RCAN2: variants seen among roughly 807,000 people sequenced by gnomAD.
RCAN2 encodes the protein regulator of calcineurin 2.
A neutral mutation model predicts 23.6 loss-of-function variants in RCAN2; 9 were observed. That is an observed-to-expected ratio of 0.38 (90% CI 0.23 to 0.67). The LOEUF is 0.67. RCAN2 is among the 30% of genes least tolerant of loss of function. The pLI is 0.51. For missense variants in RCAN2, 273 were observed against 302.3 expected, an observed-to-expected ratio of 0.90 and a Z score of 0.72; for synonymous variants, 109 against 115.7, an observed-to-expected ratio of 0.94 and a Z score of 0.37.
At chr6:46,253,861 C>T (rs1294579514) in intron 2 of RCAN2, among the ~76,000 whole-genome samples, 4 of 152,114 alleles carry the variant, frequency 2.6e-5, no homozygotes, top group Admixed American at 2.0e-4. Context: ...TAAAAATTGC[C>T]TACCGAATTC....
At chr6:46,270,798 CA>C (rs1490026869) in intron 2 of RCAN2, among the ~76,000 whole-genome samples, 1 of 152,154 alleles carries the variant, frequency 6.6e-6, no homozygotes, top group African/African-American at 2.4e-5. Context: ...TGGCAAGGAA[CA>C]GGGGGTGACC....
At chr6:46,362,622 G>C (rs1489159577) in intron 2 of RCAN2, among the ~76,000 whole-genome samples, 3 of 152,152 alleles carry the variant, frequency 2.0e-5, no homozygotes, top group Admixed American at 6.5e-5. Flanking sequence ...CCATTTTATA[G>C]TTTTTCCTTC....
intron 2 of RCAN2, among the ~76,000 whole-genome samples, chr6:46,348,536 A>G (rs1452242330): frequency 6.6e-6 from 1 of 151,986 alleles, no homozygotes; most frequent in Non-Finnish European, 1.5e-5. Context: ...CTTCCATTAG[A>G]CCTTGGTGCT....
At chr6:46,317,431 A>G (rs1368947452) in intron 2 of RCAN2, among the ~76,000 whole-genome samples, 1 of 152,008 alleles carries the variant, frequency 6.6e-6, no homozygotes, top group Admixed American at 6.6e-5. Context: ...CCAGCTTTAT[A>G]CCCCAATAAC....
intron 1 of RCAN2, among the ~76,000 whole-genome samples, chr6:46,488,597 G>A (rs1769057775): frequency 6.6e-6 from 1 of 152,178 alleles, no homozygotes; most frequent in Admixed American, 6.5e-5. Flanking sequence ...TAGAAGGTTA[G>A]CACCAGAAAT....
intron 2 of RCAN2, among the ~76,000 whole-genome samples, chr6:46,409,035 G>A (rs529623857): frequency 3.1e-4 from 47 of 152,234 alleles, no homozygotes; most frequent in African/African-American, 1.1e-3. Context: ...TATCTAAGAT[G>A]TGTTTTTAAA....
chr6:46,251,879 G>T (rs1766738219), intron 2 of RCAN2, among the ~76,000 whole-genome samples: 1 of 152,076 alleles, frequency 6.6e-6, no homozygotes, highest in Non-Finnish European at 1.5e-5. Context: ...CTTGTTTTGG[G>T]CTTAGGCTGA....
chr6:46,382,924 A>G (rs1035299385), intron 2 of RCAN2, among the ~76,000 whole-genome samples: 4 of 152,136 alleles, frequency 2.6e-5, no homozygotes, highest in Non-Finnish European at 5.9e-5. Context: ...GAAATGGAAG[A>G]CTCATTGCTC....
intron 2 of RCAN2, among the ~76,000 whole-genome samples, chr6:46,448,564 A>G (rs1448635699): frequency 1.3e-5 from 2 of 151,920 alleles, no homozygotes; most frequent in Non-Finnish European, 2.9e-5. Context: ...ATGAACACAG[A>G]TACAAAAATC....
At chr6:46,264,738 G>C (rs1297182728) in intron 2 of RCAN2, among the ~76,000 whole-genome samples, 1 of 152,146 alleles carries the variant, frequency 6.6e-6, no homozygotes, top group Non-Finnish European at 1.5e-5. Context: ...CGACTCTTCG[G>C]CTATGGCTAA....
At chr6:46,293,264 T>C (rs1462733285) in intron 2 of RCAN2, among the ~76,000 whole-genome samples, 1 of 152,212 alleles carries the variant, frequency 6.6e-6, no homozygotes, top group Non-Finnish European at 1.5e-5. Flanking sequence ...CATCTTACTG[T>C]GTTTTCCTTG....
intron 2 of RCAN2, among the ~76,000 whole-genome samples, chr6:46,422,717 G>A (rs921702331): frequency 6.6e-6 from 1 of 152,080 alleles, no homozygotes; most frequent in African/African-American, 2.4e-5. Context: ...AAGGCTATGG[G>A]AACAATCCAT....
At chr6:46,474,605 G>A (rs1768660393) in intron 1 of RCAN2, among the ~76,000 whole-genome samples, 1 of 152,212 alleles carries the variant, frequency 6.6e-6, no homozygotes, top group Non-Finnish European at 1.5e-5. Flanking sequence ...GACAGGTATG[G>A]ATAGAGAAGT....
At chr6:46,314,388 A>G (rs910995515) in intron 2 of RCAN2, among the ~76,000 whole-genome samples, 6 of 151,632 alleles carry the variant, frequency 4.0e-5, no homozygotes, top group African/African-American at 1.5e-4. Flanking sequence ...AAGAAAAGAA[A>G]AAAAACCACA....
At chr6:46,303,099 T>TA (rs1582084180) in intron 2 of RCAN2, among the ~76,000 whole-genome samples, 2 of 152,122 alleles carry the variant, frequency 1.3e-5, no homozygotes, top group South Asian at 4.1e-4. Context: ...TAACTCACTT[T>TA]CTGGGTTCAC....
intron 2 of RCAN2, among the ~76,000 whole-genome samples, chr6:46,428,657 C>T (rs1393191041): frequency 6.6e-6 from 1 of 152,212 alleles, no homozygotes; most frequent in Admixed American, 6.5e-5. Flanking sequence ...TTCACTATAT[C>T]TCTGTCTTTC....
intron 2 of RCAN2, among the ~76,000 whole-genome samples, chr6:46,370,840 A>T (rs528801906): frequency 6.6e-6 from 1 of 152,086 alleles, no homozygotes; most frequent in Non-Finnish European, 1.5e-5. Flanking sequence ...CATAGTGTAT[A>T]CTCCTCATTG....
At chr6:46,323,196 G>A (rs891109481) in intron 2 of RCAN2, among the ~76,000 whole-genome samples, 1 of 152,078 alleles carries the variant, frequency 6.6e-6, no homozygotes, top group Non-Finnish European at 1.5e-5. Context: ...CTTTCAGAGA[G>A]TGCCTACAAA....
intron 2 of RCAN2, among the ~76,000 whole-genome samples, chr6:46,381,227 T>A (rs1765609039): frequency 6.6e-6 from 1 of 152,232 alleles, no homozygotes; most frequent in African/African-American, 2.4e-5. Context: ...TTTGGACTTC[T>A]GTGCTATGAA....
Sources: gnomAD v4.1 joint callset for allele counts (sites outside exome capture counted in the v4.1 genomes callset) on GRCh38, gnomAD v4.1.1 for gene constraint, MANE v1.5 for transcripts, NCBI Gene and HGNC (gene_info 2026-07-23, HGNC 2026-07-21) for gene names.